CFAP54: variants seen among roughly 807,000 people sequenced by gnomAD.
CFAP54 encodes the protein cilia- and flagella-associated protein 54.
Under a neutral mutation model 370.4 loss-of-function variants are expected in CFAP54, and 290 were observed. The observed-to-expected ratio is 0.78, with a 90% CI of 0.71 to 0.86. The LOEUF is 0.86. Among genes scored for constraint, CFAP54 ranks in the 40% least tolerant of loss-of-function variants. The pLI is 0.00. For synonymous variants in CFAP54, 1,206 were observed against 1,236.5 expected (o/e 0.98, Z 0.52); for missense variants, 3,399 against 3,528.7 (o/e 0.96, Z 0.93).
At chr12:96,597,591 C>T (rs969844361) in intron 25 of CFAP54, among the ~76,000 whole-genome samples, 2 of 151,214 alleles carry the variant, frequency 1.3e-5, no homozygotes, top group East Asian at 3.9e-4. Flanking sequence ...ATGGCTGATC[C>T]ACACCAAATA....
At chr12:96,530,053 A>G (rs1015914562) in intron 9 of CFAP54, among the ~76,000 whole-genome samples, 4 of 152,224 alleles carry the variant, frequency 2.6e-5, no homozygotes, top group African/African-American at 7.2e-5. Flanking sequence ...ATGTATATTC[A>G]GTTGACACAG....
intron 26 of CFAP54, among the ~76,000 whole-genome samples, chr12:96,615,646 G>C (rs992586737): frequency 3.9e-5 from 6 of 152,104 alleles, no homozygotes; most frequent in Non-Finnish European, 7.3e-5. Flanking sequence ...AATCTACAAA[G>C]AACTCAAACA....
At chr12:96,646,990 A>G (rs1042981754) in intron 33 of CFAP54, 12 of 152,150 alleles carry the variant, frequency 7.9e-5, no homozygotes. Context: ...ATTAGGAGAT[A>G]TACCTAATGT....
intron 39 of CFAP54, among the ~76,000 whole-genome samples, chr12:96,676,769 C>T (rs995857811): frequency 1.1e-4 from 17 of 152,018 alleles, no homozygotes; most frequent in African/African-American, 3.1e-4. Flanking sequence ...TGAGGTGATC[C>T]ATCTGCCTTG....
At chr12:96,699,871 A>G in intron 45 of CFAP54, 100 bp from the exon 46 acceptor site, 1 of 978,840 alleles carries the variant, frequency 1.0e-6, no homozygotes, top group Non-Finnish European at 1.5e-6. Flanking sequence ...TTAAGCAGAA[A>G]CTTTGGATCT....
At chr12:96,537,162 A>G (rs1955515645) in intron 12 of CFAP54, among the ~76,000 whole-genome samples, 1 of 152,146 alleles carries the variant, frequency 6.6e-6, no homozygotes, top group African/African-American at 2.4e-5. Flanking sequence ...GCTATAATGA[A>G]TAATAATTTT....
rs148763016 is a variant in CFAP54, at chr12:96,731,723, G to T, written c.6966-8233G>T. ...TATAATAAAATGCTTCAATATTTGG[G>T]GGAGCTCTATAACTCAGGGAGACAA... is the stretch of plus-strand genomic sequence containing the variant. On this transcript the variant is annotated intron_variant, in intron 50 of 67. Coordinates refer to ENST00000524981, the MANE Select transcript of CFAP54 (RefSeq NM_001306084.2). Among the ~76,000 whole-genome samples, 721 of 152,144 alleles carry T rather than the reference G, an allele frequency of 4.7e-3. 4 individuals are homozygous for T. Among genetic ancestry groups the T allele is most frequent in the African/African-American group, 0.017 (685 of 41,492 alleles).
chr12:96,809,131 C>T (rs376218041), intron 63 of CFAP54, among the ~76,000 whole-genome samples: 3 of 152,082 alleles, frequency 2.0e-5, no homozygotes, highest in African/African-American at 4.8e-5. Context: ...CCCTCTGTCC[C>T]GTATGTACTG....
At chr12:96,851,953 C>G (rs1318350159) in intron 66 of CFAP54, among the ~76,000 whole-genome samples, 1 of 151,976 alleles carries the variant, frequency 6.6e-6, no homozygotes, top group African/African-American at 2.4e-5. Context: ...TATTCACAGA[C>G]ATAGAAAACC....
intron 66 of CFAP54, among the ~76,000 whole-genome samples, chr12:96,838,312 A>G (rs1176039794): frequency 6.6e-6 from 1 of 152,110 alleles, no homozygotes; most frequent in East Asian, 1.9e-4. Flanking sequence ...AAAAAAAAAA[A>G]GTCAACTCAG....
At chr12:96,735,612 A>G (rs1486316579) in intron 50 of CFAP54, among the ~76,000 whole-genome samples, 2 of 152,232 alleles carry the variant, frequency 1.3e-5, no homozygotes, top group Non-Finnish European at 2.9e-5. Flanking sequence ...CTAATTCCTG[A>G]AAAAGGTGAT....
intron 43 of CFAP54, among the ~76,000 whole-genome samples, chr12:96,689,849 G>T (rs535233728): frequency 6.6e-6 from 1 of 152,226 alleles, no homozygotes; most frequent in Admixed American, 6.5e-5. Context: ...TGAAGGATGG[G>T]CACTCTTGTT....
intron 26 of CFAP54, among the ~76,000 whole-genome samples, chr12:96,611,277 C>T (rs1039256788): frequency 3.3e-5 from 5 of 152,370 alleles, no homozygotes; most frequent in Non-Finnish European, 7.3e-5. Flanking sequence ...AGGCAAACAG[C>T]GTCTGGAGTG....
In CFAP54 at chr12:96,708,684, T is replaced by C. The variant is rs554196233; in HGVS notation, c.6605T>C (p.Phe2202Ser). 5.0e-6 allele frequency: 8 copies of C among 1,612,420 alleles called. No homozygotes were observed. The South Asian group carries it at 7.7e-5, about 16-fold the overall frequency. Residue 2202 changes from phenylalanine to serine, a missense_variant, in exon 48 of 68, where the codon TTT becomes TCT. This residue lies in a region of CFAP54 where 2,796 missense variants were observed against 2,869.7 expected (regional missense o/e 0.97). Transcript: ENST00000524981. Reference protein sequence around the residue: ...TIGQPHLLNKFNFVKAYFFLS... With the variant: ...TIGQPHLLNKSNFVKAYFFLS... The stretch of plus-strand genomic sequence containing the variant: ...GGCCAACCACATCTCTTAAATAAGT[T>C]TAATTTTGTTAAAGCATACTTTTTC...
At chr12:96,745,911 G>A (rs867103574) in intron 55 of CFAP54, among the ~76,000 whole-genome samples, 1 of 152,154 alleles carries the variant, frequency 6.6e-6, no homozygotes. Context: ...CTAGTGGACT[G>A]GCTGATAATA....
At chr12:96,537,939 T>C (rs949757916) in intron 12 of CFAP54, among the ~76,000 whole-genome samples, 23 of 151,888 alleles carry the variant, frequency 1.5e-4, no homozygotes, top group African/African-American at 5.3e-4. Context: ...AATACAAAAA[T>C]GAGCTGGGTG....
chr12:96,589,432 C>T lies in CFAP54; in HGVS notation c.3081C>T (p.Ala1027=), dbSNP rs1215923687. ...ITARMFLTQV[A]YQVGNYELAK... is the part of the protein sequence containing the mutation. ...ATATGTGCTTTTTGTTATAGGTTGC[C>T]TATCAAGTTGGTAACTATGAATTGG... Residue 1027 remains alanine, a synonymous_variant, in exon 23 of 68, where the codon GCC becomes GCT. Coordinates refer to ENST00000524981, the MANE Select transcript of CFAP54 (RefSeq NM_001306084.2). 2 of 1,529,164 alleles carry T rather than the reference C, an allele frequency of 1.3e-6. No individual in the cohort carries two copies. The highest frequency in any genetic ancestry group is 1.8e-6 in the Non-Finnish European group (2 of 1,142,626). 94.7% of individuals were successfully genotyped at this position (1,529,164 alleles called of 1,614,324 possible).
chr12:96,737,605 T>C (rs1182162282), intron 50 of CFAP54, among the ~76,000 whole-genome samples: 16 of 151,648 alleles, frequency 1.1e-4, no homozygotes, highest in African/African-American at 3.1e-4. Context: ...TCCTCCTGCC[T>C]CAGCCTCCTG....
chr12:96,611,045 C>G (rs1307983558), intron 26 of CFAP54, among the ~76,000 whole-genome samples: 2 of 152,210 alleles, frequency 1.3e-5, no homozygotes, highest in East Asian at 3.9e-4. Flanking sequence ...AGTAGTGGTT[C>G]TCCCAGCATG....
Sources: gnomAD v4.1 joint callset for allele counts (sites outside exome capture counted in the v4.1 genomes callset) on GRCh38, gnomAD v4.1.1 for gene constraint, gnomAD v4.1.1 regional missense constraint, MANE v1.5 for transcripts, NCBI Gene and HGNC (gene_info 2026-07-23, HGNC 2026-07-21) for gene names.